The following ABR variants were observed in gnomAD, a reference collection of about 807,000 sequenced individuals.
The protein encoded by ABR is active breakpoint cluster region-related protein.
A neutral mutation model predicts 107.2 loss-of-function variants in ABR; 35 were observed. The observed-to-expected ratio is 0.33, with a 90% CI of 0.25 to 0.43. The LOEUF (loss-of-function observed/expected upper bound fraction) is 0.43. Ranked by LOEUF, ABR falls within the 20% of genes least tolerant of loss-of-function variation. The pLI is 1.00. For synonymous variants in ABR, 498 were observed against 462.0 expected (o/e 1.08, Z -1.00); for missense variants, 815 against 1,115.2 (o/e 0.73, Z 3.83).
chr17:1,014,703 G>A (rs1451418623), intron 16 of ABR, among the ~76,000 whole-genome samples: 6 of 151,684 alleles, frequency 4.0e-5, no homozygotes, highest in East Asian at 1.9e-4. Flanking sequence ...AAAATTAGCC[G>A]GGCGCGGTGG....
intron 1 of ABR, among the ~76,000 whole-genome samples, chr17:1,126,994 C>G (rs2039631582): frequency 6.6e-6 from 1 of 152,226 alleles, no homozygotes; most frequent in African/African-American, 2.4e-5. Context: ...AACACACCAG[C>G]CCACAGGCAA....
At chr17:1,212,898 A>G (rs868520346) in intron 1 of ABR, among the ~76,000 whole-genome samples, 19 of 152,076 alleles carry the variant, frequency 1.2e-4, no homozygotes, top group South Asian at 2.1e-4. Flanking sequence ...AAAAAAAAAA[A>G]AGAGAGAGAG....
intron 1 of ABR, among the ~76,000 whole-genome samples, chr17:1,214,811 A>T (rs12602599): frequency 0.91 from 137,427 of 150,788 alleles, 63,610 homozygotes; most frequent in East Asian, 1. Flanking sequence ...CAAAGAAAAA[A>T]ATATATATAT....
At chr17:1,141,279 C>T (rs564956963) in intron 1 of ABR, among the ~76,000 whole-genome samples, 113 of 152,114 alleles carry the variant, frequency 7.4e-4, no homozygotes, top group Non-Finnish European at 1.4e-3. Flanking sequence ...CTTCTCAGGG[C>T]CCCCCATTCT....
intron 10 of ABR, among the ~76,000 whole-genome samples, chr17:1,063,369 A>G (rs28432966): frequency 0.17 from 3,891 of 23,120 alleles, 7 homozygotes; most frequent in East Asian, 0.25. Flanking sequence ...TGAGGGCTAT[A>G]CATGTTCCTC....
rs1464797780 is a variant in ABR at position 1,063,806 on chromosome 17, C to A, written c.1182+3271G>T. On this transcript the variant is annotated intron_variant, in intron 10 of 22. Transcript: ENST00000302538. ...TGAACTGAGGGCTATGCATGTTCCT[C>A]TAGACACTGTTGTTACGTGAACTGA... 2.7e-5 allele frequency among the ~76,000 whole-genome samples: 4 copies of A among 150,842 alleles called. No homozygotes were observed. In the Admixed American group the frequency reaches 2.7e-4, roughly 10 times the overall value.
chr17:1,008,252 G>A (rs1413974194), intron 21 of ABR, among the ~76,000 whole-genome samples: 1 of 152,220 alleles, frequency 6.6e-6, no homozygotes, highest in South Asian at 2.1e-4. Flanking sequence ...ATATCAGAGG[G>A]CCTCTGGTTC....
intron 3 of ABR, among the ~76,000 whole-genome samples, chr17:1,098,358 T>C (rs1341352790): frequency 2.0e-5 from 3 of 151,602 alleles, no homozygotes; most frequent in Non-Finnish European, 2.9e-5. Context: ...ATTACAGGCT[T>C]GAGACACGGC....
chr17:1,172,991 T>C (rs200777057), intron 1 of ABR, among the ~76,000 whole-genome samples: 814 of 15,796 alleles, frequency 0.052, 2 homozygotes, highest in Middle Eastern at 0.21. Flanking sequence ...ATCACCTCAG[T>C]CCACCCAACA....
chr17:1,212,515 G>A (rs910103098), intron 1 of ABR, among the ~76,000 whole-genome samples: 1 of 152,210 alleles, frequency 6.6e-6, no homozygotes, highest in Non-Finnish European at 1.5e-5. Context: ...AGCACTCTGA[G>A]AGGCTGAGGC....
upstream of ABR, among the ~76,000 whole-genome samples, chr17:1,180,510 G>T (rs1052739326): frequency 8.5e-5 from 13 of 152,200 alleles, no homozygotes; most frequent in African/African-American, 2.9e-4. Flanking sequence ...GGAGGGGGGC[G>T]GGTGGAGACC....
chr17:1,223,947 G>A (rs2043168327), intron 1 of ABR, among the ~76,000 whole-genome samples: 1 of 152,272 alleles, frequency 6.6e-6, no homozygotes, highest in South Asian at 2.1e-4. Context: ...ATTTGGGTGG[G>A]GATACAGAGC....
upstream of ABR, among the ~76,000 whole-genome samples, chr17:1,189,113 T>A (rs949763543): frequency 6.6e-6 from 1 of 152,040 alleles, no homozygotes; most frequent in African/African-American, 2.4e-5. Flanking sequence ...CACACATGAC[T>A]CGTGTTCTCC....
At chr17:1,146,306 T>G (rs919817787) in intron 1 of ABR, among the ~76,000 whole-genome samples, 1 of 125,848 alleles carries the variant, frequency 7.9e-6, no homozygotes, top group African/African-American at 3.1e-5. Flanking sequence ...CATCACATCC[T>G]TGTGGCCCCA....
chr17:1,200,260 G>A lies in ABR; in HGVS notation c.838+28533C>T, dbSNP rs867843287. 3.3e-5 allele frequency among the ~76,000 whole-genome samples: 5 copies of A among 152,076 alleles called. No individual in the cohort carries two copies. The East Asian group carries it at 9.6e-4, about 29-fold the overall frequency. On this transcript the variant is annotated intron_variant, in intron 1 of 22. Coordinates refer to the ABR transcript ENST00000574139. This position sits in a 1 kb window ranked among gnomAD's most constrained non-coding sequence, Gnocchi z 4.1. ...ACCTAGAGATAAGTTAAAGTACACG[G>A]GGGTCGGGGGCAGGCATGGTGACTC...
intron 2 of ABR, chr17:1,101,400 T>A (rs1364603937): frequency 6.6e-6 from 1 of 152,264 alleles, no homozygotes; most frequent in Admixed American, 6.5e-5. Flanking sequence ...ATATTCCTCC[T>A]GTAACATCTC....
rs879907223 is a variant in ABR at position 1,092,645 on chromosome 17, C to T, written c.346-795G>A. On this transcript the variant is annotated intron_variant, in intron 3 of 22. Coordinates refer to ENST00000302538, the MANE Select transcript of ABR (RefSeq NM_021962.5). This position sits in a 1 kb window ranked among gnomAD's most constrained non-coding sequence, Gnocchi z 4.6. ...GGATAACGGGACGTGCAGGCATTTC[C>T]TCAGTGTGGTTCTCTGCATTTTATA... is the stretch of plus-strand genomic sequence containing the variant. Among the ~76,000 whole-genome samples the T allele has an allele frequency of 6.6e-6, 1 of 152,032 alleles. No individual in the cohort carries two copies. Among genetic ancestry groups the T allele is most frequent in the Non-Finnish European group, 1.5e-5 (1 of 67,996 alleles).
intron 1 of ABR, among the ~76,000 whole-genome samples, chr17:1,226,693 GCAGGT>G (rs1217551808): frequency 8.5e-6 from 1 of 117,748 alleles, no homozygotes; most frequent in Non-Finnish European, 2.0e-5. Flanking sequence ...GTTTACATGT[GCAGGT>G]GTGTGTGTGT....
chr17:1,167,049 G>A (rs533127557), intron 1 of ABR, among the ~76,000 whole-genome samples: 3 of 152,038 alleles, frequency 2.0e-5, no homozygotes, highest in South Asian at 2.1e-4. Flanking sequence ...TCTGAGCTCC[G>A]GACCTGCCAA....
Sources: allele counts gnomAD v4.1 joint callset (sites outside exome capture counted in the v4.1 genomes callset), GRCh38; gene constraint gnomAD v4.1.1; non-coding constraint Gnocchi (gnomAD v3.1); transcripts MANE v1.5; gene names NCBI Gene and HGNC (gene_info 2026-07-23, HGNC 2026-07-21).